The following MTOR variants were observed in gnomAD, a reference collection of about 807,000 sequenced individuals.
MTOR encodes serine/threonine-protein kinase mTOR.
MTOR carries 70 observed loss-of-function variants against 319.8 expected under a neutral mutation model. The observed-to-expected ratio is 0.22, with a 90% CI of 0.18 to 0.27. MTOR has a LOEUF of 0.27. Among genes scored for constraint, MTOR ranks in the 10% least tolerant of loss-of-function variants. The pLI, the probability that MTOR is intolerant of heterozygous loss-of-function variation, is 1.00. For missense variants in MTOR, 1,890 were observed against 3,274.4 expected, an observed-to-expected ratio of 0.58 and a Z score of 10.32; for synonymous variants, 1,183 against 1,211.4, an observed-to-expected ratio of 0.98 and a Z score of 0.49.
rs779484321 is a variant in MTOR, at chr1:11,237,836, C to T, written c.2208+7G>A. ...CTGCCTGTGGGTCTGGCCATCACCT[C>T]GGTTACCTGGATGAGCATCTTGCGC... On this transcript the variant is annotated splice_region_variant and intron_variant, in intron 13 of 57. Coordinates refer to ENST00000361445, the MANE Select transcript of MTOR (RefSeq NM_004958.4). 12 of 1,613,672 alleles carry T rather than the reference C, an allele frequency of 7.4e-6. No individual in the cohort carries two copies. The South Asian group carries it at 8.8e-5, about 12-fold the overall frequency.
At chr1:11,125,318 C>T (rs1401344627) in intron 46 of MTOR, among the ~76,000 whole-genome samples, 1 of 152,202 alleles carries the variant, frequency 6.6e-6, no homozygotes, top group Non-Finnish European at 1.5e-5. Context: ...CAAGAACCAG[C>T]CTGACCCACA....
intron 25 of MTOR, among the ~76,000 whole-genome samples, chr1:11,207,894 T>G (rs929107752): frequency 1.3e-5 from 2 of 152,216 alleles, no homozygotes; most frequent in Non-Finnish European, 2.9e-5. Context: ...TGAGATAAAC[T>G]AAGAGTCTTT....
chr1:11,166,466 C>T (rs1644646836), intron 29 of MTOR, among the ~76,000 whole-genome samples: 1 of 152,200 alleles, frequency 6.6e-6, no homozygotes, highest in Non-Finnish European at 1.5e-5. Context: ...CAAAAGAAGA[C>T]ATTTATGCAG....
intron 46 of MTOR, among the ~76,000 whole-genome samples, chr1:11,124,975 T>C (rs961414555): frequency 1.3e-5 from 2 of 151,980 alleles, no homozygotes; most frequent in African/African-American, 2.4e-5. Context: ...GGGATCCCAC[T>C]TGGGCGTGGC....
intron 38 of MTOR, chr1:11,132,377 T>C (rs1295650015): frequency 6.6e-6 from 1 of 152,232 alleles, no homozygotes; most frequent in Non-Finnish European, 1.5e-5. Flanking sequence ...AAGATCTGTA[T>C]TATAAGTGCT....
At position 11,259,415 on chromosome 1, in the gene MTOR, C is replaced by G. The variant is rs373040403; in HGVS notation, c.-6G>C. ...GCAGGTCCGGTTCCAAGCATCTTGC[C>G]CTGAGGTTCTTTAGAGAGAAGTTTC... On this transcript the variant is annotated 5_prime_UTR_variant, in exon 2 of 58. Transcript: ENST00000361445. 1.1e-5 allele frequency: 17 copies of G among 1,544,060 alleles called. No individual in the cohort carries two copies. Among genetic ancestry groups the G allele is most frequent in the Non-Finnish European group, 1.4e-5 (16 of 1,152,606 alleles).
chr1:11,164,072 C>T lies in MTOR; in HGVS notation c.4329+3370G>A, dbSNP rs577138949. On this transcript the variant is annotated intron_variant, in intron 29 of 57. Coordinates refer to ENST00000361445, the MANE Select transcript of MTOR (RefSeq NM_004958.4). ...TAAAGAAGAAAAGAGAGGCTAGGCG[C>T]GGTGGCTCATGCCTGTAATCCCAGC... 4.6e-5 allele frequency among the ~76,000 whole-genome samples: 7 copies of T among 152,028 alleles called. No individual in the cohort carries two copies. The East Asian group carries it at 5.8e-4, about 13-fold the overall frequency.
Position 11,113,040 on chromosome 1 carries a change from T to C in MTOR, c.7301-123A>G, listed in dbSNP as rs1641977276. 6 of 996,920 alleles carry C rather than the reference T, an allele frequency of 6.0e-6. No individual in the cohort carries two copies. The Middle Eastern group carries it at 6.5e-4, about 108-fold the overall frequency. The allele number at this position is 996,920 out of a possible 1,614,324, so 61.8% of individuals were successfully genotyped here. A position where few individuals can be genotyped will look rare whatever the true frequency, so the allele number is the denominator to read the frequency against. On this transcript the variant is annotated intron_variant, in intron 53 of 57. Transcript: ENST00000361445. Reference sequence around the variant, plus strand: ...AAAGCTATAGCCCCAAAAAAAGAGATGACAGACATATTACTCAGGAATAAG... The same window carrying C: ...AAAGCTATAGCCCCAAAAAAAGAGACGACAGACATATTACTCAGGAATAAG...
intron 28 of MTOR, among the ~76,000 whole-genome samples, chr1:11,169,246 T>C (rs1024516614): frequency 6.6e-6 from 1 of 152,266 alleles, no homozygotes; most frequent in East Asian, 1.9e-4. Context: ...GCCTCATGTT[T>C]ACAAAGCGTT....
At chr1:11,196,580 C>T (rs1281851471) in intron 28 of MTOR, among the ~76,000 whole-genome samples, 5 of 152,116 alleles carry the variant, frequency 3.3e-5, no homozygotes, top group South Asian at 2.1e-4. Context: ...AATAGCTGCA[C>T]GCGGTGGCTC....
At chr1:11,162,453 G>A (rs1240071525) in intron 29 of MTOR, among the ~76,000 whole-genome samples, 1 of 152,126 alleles carries the variant, frequency 6.6e-6, no homozygotes, top group East Asian at 1.9e-4. Context: ...GATACTTCTC[G>A]AGAAGAGCAA....
At chr1:11,235,027 A>T (rs1013526893) in intron 13 of MTOR, among the ~76,000 whole-genome samples, 1 of 152,222 alleles carries the variant, frequency 6.6e-6, no homozygotes, top group Non-Finnish European at 1.5e-5. Flanking sequence ...ATTTAACATT[A>T]CATTTTGTCT....
At position 11,108,041 on chromosome 1, in the gene MTOR, A is replaced by G. The variant is rs3730377; in HGVS notation, c.7634+140T>C. The G allele has an allele frequency of 2.6e-3, 1,608 of 608,670 alleles. 26 individuals are homozygous for G. Among genetic ancestry groups the G allele is most frequent in the African/African-American group, 0.026 (1,397 of 53,284 alleles). 37.7% of individuals were successfully genotyped at this position (608,670 alleles called of 1,614,324 possible). ...ATAACAATGGGCACATGCAGTAAAT[A>G]TGAATTTTTAAAGAGATCTGAGCTC... On this transcript the variant is annotated intron_variant, in intron 57 of 57. Transcript: ENST00000361445.
intron 21 of MTOR, 83 bp downstream of exon 21, chr1:11,213,316 A>G: frequency 6.9e-7 from 1 of 1,451,364 alleles, no homozygotes; most frequent in Non-Finnish European, 9.4e-7. Context: ...GTCACTCAGA[A>G]TGAGGTCTCA....
At chr1:11,184,531 C>A (rs948762311) in intron 28 of MTOR, among the ~76,000 whole-genome samples, 5 of 152,000 alleles carry the variant, frequency 3.3e-5, no homozygotes, top group Non-Finnish European at 5.9e-5. Context: ...GCTAGGAGTT[C>A]CACACCAGCC....
intron 8 of MTOR, among the ~76,000 whole-genome samples, chr1:11,246,400 T>C (rs1280796123): frequency 6.6e-6 from 1 of 152,194 alleles, no homozygotes; most frequent in African/African-American, 2.4e-5. Flanking sequence ...CAGCAGCCTG[T>C]CTGGTCATTA....
chr1:11,189,276 C>T, intron 28 of MTOR: 1 of 276,882 alleles, frequency 3.6e-6, no homozygotes, highest in Non-Finnish European at 6.9e-6. Context: ...CTGGGAGGGG[C>T]TAAAGCCTGG....
At chr1:11,184,332 T>A (rs1011194667) in intron 28 of MTOR, among the ~76,000 whole-genome samples, 1 of 152,230 alleles carries the variant, frequency 6.6e-6, no homozygotes, top group African/African-American at 2.4e-5. Flanking sequence ...GTGCTATATG[T>A]ACTACCTCCT....
intron 54 of MTOR, among the ~76,000 whole-genome samples, chr1:11,111,304 C>T (rs913253141): frequency 6.6e-6 from 1 of 151,842 alleles, no homozygotes; most frequent in African/African-American, 2.4e-5. Flanking sequence ...CGTGGTGAAA[C>T]CCTATCTCTA....
Sources: allele counts gnomAD v4.1 joint callset (sites outside exome capture counted in the v4.1 genomes callset), GRCh38; gene constraint gnomAD v4.1.1; transcripts MANE v1.5; gene names NCBI Gene and HGNC (gene_info 2026-07-23, HGNC 2026-07-21).